The following MTSS2 variants were observed in gnomAD, a reference collection of about 807,000 sequenced individuals.
MTSS2 encodes protein MTSS 2.
A neutral mutation model predicts 67.1 loss-of-function variants in MTSS2; 27 were observed. That is an observed-to-expected ratio of 0.40 (90% CI 0.30 to 0.55). The LOEUF (loss-of-function observed/expected upper bound fraction) is 0.55, where lower values mean the gene tolerates loss of function less well. MTSS2 is among the 20% of genes least tolerant of loss of function. The pLI is 0.43. For missense variants in MTSS2, 1,171 were observed against 1,067.8 expected, an observed-to-expected ratio of 1.10 and a Z score of -1.35; for synonymous variants, 624 against 468.6, an observed-to-expected ratio of 1.33 and a Z score of -4.28.
In MTSS2 at chr16:70,661,565, T is replaced by G. The variant is rs2052471792; in HGVS notation, c.*2112A>C. The G allele has an allele frequency of 5.7e-6, 2 of 351,532 alleles. No homozygotes were observed. Among genetic ancestry groups the G allele is most frequent in the East Asian group, 7.7e-5 (1 of 13,042 alleles). The allele number at this position is 351,532 out of a possible 1,614,324, so 21.8% of individuals were successfully genotyped here. A position where few individuals can be genotyped will look rare whatever the true frequency, so the allele number is the denominator to read the frequency against. On this transcript the variant is annotated 3_prime_UTR_variant, in exon 15 of 15. Transcript: ENST00000338779. The stretch of plus-strand genomic sequence containing the variant: ...ACGTAAAGTCCCCCAAACCAAAGTT[T>G]GTGATGTGGGATGGTTGGCTCGGAT...
rs950749191 is a variant in MTSS2, at chr16:70,661,516, C to A, written c.*2161G>T. 1.2e-4 allele frequency: 41 copies of A among 346,762 alleles called. 1 individual carries two copies. The highest frequency in any genetic ancestry group is 8.7e-4 in the South Asian group (40 of 46,058). 21.5% of individuals were successfully genotyped at this position (346,762 alleles called of 1,614,324 possible). On this transcript the variant is annotated 3_prime_UTR_variant, in exon 15 of 15. Transcript: ENST00000338779. ...GACGCTTTTGAAAAGAATATTTCTC[C>A]GTACAAAATGAGAAATTAAACGAAC... is the stretch of plus-strand genomic sequence containing the variant.
At position 70,662,272 on chromosome 16, in the gene MTSS2, A is replaced by G. The variant is rs1218971520; in HGVS notation, c.*1405T>C. The stretch of plus-strand genomic sequence containing the variant: ...TGCCCTGGGGCCACGATGCCCTCTG[A>G]GCCCTGCTTTCCCTCCTGACCTGCG... On this transcript the variant is annotated 3_prime_UTR_variant, in exon 15 of 15. Coordinates refer to ENST00000338779, the MANE Select transcript of MTSS2 (RefSeq NM_138383.3). The G allele has an allele frequency of 6.6e-6, 1 of 152,286 alleles. No individual in the cohort carries two copies. Among genetic ancestry groups the G allele is most frequent in the Non-Finnish European group, 1.5e-5 (1 of 68,196 alleles). 9.4% of individuals were successfully genotyped at this position (152,286 alleles called of 1,614,324 possible).
intron 11 of MTSS2, among the ~76,000 whole-genome samples, chr16:70,666,559 C>A (rs1263280268): frequency 6.6e-6 from 1 of 152,202 alleles, no homozygotes; most frequent in Non-Finnish European, 1.5e-5. Flanking sequence ...TAAGCCAGGG[C>A]AGCCCCCTTC....
rs185305754 is a variant in MTSS2 at position 70,680,885 on chromosome 16, G to A, written c.132-18C>T. 1,266 of 1,534,776 alleles carry A rather than the reference G, an allele frequency of 8.2e-4. 11 individuals are homozygous for A. In the African/African-American group the frequency reaches 0.014, roughly 18 times the overall value. ...CGGTGGTCCTGGGGAGAGGGACAAC[G>A]GCATGGATGGTCGGTGGTTGGGCGG... On this transcript the variant is annotated intron_variant, in intron 2 of 14. Coordinates refer to ENST00000338779, the MANE Select transcript of MTSS2 (RefSeq NM_138383.3).
chr16:70,663,524 G>C lies in MTSS2; in HGVS notation c.*153C>G. The C allele has an allele frequency of 7.4e-7, 1 of 1,347,166 alleles. No individual in the cohort carries two copies. Among genetic ancestry groups the C allele is most frequent in the Non-Finnish European group, 9.8e-7 (1 of 1,025,334 alleles). The allele number at this position is 1,347,166 out of a possible 1,614,324, so 83.5% of individuals were successfully genotyped here. ...GAAGTCACTTCCTGTTTAAATGCTG[G>C]AATCCAAGTGAGGTGTCTTTCCATA... is the stretch of plus-strand genomic sequence containing the variant. On this transcript the variant is annotated 3_prime_UTR_variant, in exon 15 of 15. Transcript: ENST00000338779.
intron 11 of MTSS2, among the ~76,000 whole-genome samples, chr16:70,666,696 A>T (rs77970240): frequency 6.6e-6 from 1 of 152,226 alleles, no homozygotes; most frequent in African/African-American, 2.4e-5. Flanking sequence ...TAACAAATGC[A>T]GACTTTTGGC....
chr16:70,670,231 A>G (rs940758446), intron 11 of MTSS2, among the ~76,000 whole-genome samples: 4 of 152,194 alleles, frequency 2.6e-5, no homozygotes, highest in Admixed American at 2.6e-4. Flanking sequence ...AAATTGCACC[A>G]CTGCACTCCA....
chr16:70,664,515 G>C lies in MTSS2; in HGVS notation c.1472-66C>G, dbSNP rs117276543. On this transcript the variant is annotated intron_variant, in intron 14 of 14. Transcript: ENST00000338779. ...CCCCTTGCCCCCAGCCCACCAGGGTGAGCACAGAGGGGGAAGGACGGGGCC... is the reference window on the plus strand; with the variant it reads ...CCCCTTGCCCCCAGCCCACCAGGGTCAGCACAGAGGGGGAAGGACGGGGCC... The C allele has an allele frequency of 2.2e-5, 34 of 1,565,084 alleles. No individual in the cohort carries two copies. The East Asian group carries it at 6.8e-4, about 31-fold the overall frequency.
At chr16:70,670,551 AT>A (rs1487332565) in intron 11 of MTSS2, among the ~76,000 whole-genome samples, 1 of 152,238 alleles carries the variant, frequency 6.6e-6, no homozygotes, top group African/African-American at 2.4e-5. Flanking sequence ...ATAGAATGCC[AT>A]ATAGCAATGA....
chr16:70,682,839 C>A (rs7194558), intron 1 of MTSS2, among the ~76,000 whole-genome samples: 83,496 of 151,856 alleles, frequency 0.55, 23,020 homozygotes, highest in African/African-American at 0.58. Context: ...AAACCTTCCC[C>A]ACAGCCCCAT....
intron 10 of MTSS2, 102 bp downstream of exon 10, chr16:70,676,779 T>C: frequency 1.0e-6 from 1 of 985,264 alleles, no homozygotes; most frequent in Non-Finnish European, 1.6e-6. Flanking sequence ...GTTGTGAATT[T>C]TGAGGCCCTG....
At chr16:70,683,752 T>C (rs2053372110) in intron 1 of MTSS2, among the ~76,000 whole-genome samples, 1 of 152,094 alleles carries the variant, frequency 6.6e-6, no homozygotes, top group Non-Finnish European at 1.5e-5. Flanking sequence ...CTCAGTCTCC[T>C]CAACCTGGCT....
chr16:70,663,023 G>GCCC lies in MTSS2; in HGVS notation c.*653_*654insGGG, dbSNP rs1412631806. 8.8e-6 allele frequency: 1 copy of GCCC among 114,174 alleles called. No homozygotes were observed. 7.1% of individuals were successfully genotyped at this position (114,174 alleles called of 1,614,324 possible). ...GTGGGAGCCACCACAGGGCCCCCAA[G>GCCC]ACCCCCCCCCCCAAGCAGCCCCTGG... On this transcript the variant is annotated 3_prime_UTR_variant, in exon 15 of 15. Coordinates refer to ENST00000338779, the MANE Select transcript of MTSS2 (RefSeq NM_138383.3).
At chr16:70,670,321 C>T (rs1009514631) in intron 11 of MTSS2, among the ~76,000 whole-genome samples, 1 of 152,150 alleles carries the variant, frequency 6.6e-6, no homozygotes, top group Non-Finnish European at 1.5e-5. Context: ...ATCTTGCTAA[C>T]AGGAGGGTAA....
At chr16:70,667,946 G>T (rs975228707) in intron 11 of MTSS2, among the ~76,000 whole-genome samples, 3 of 149,396 alleles carry the variant, frequency 2.0e-5, no homozygotes, top group Non-Finnish European at 3.0e-5. Context: ...CAAACAGAGG[G>T]ATATCTGCAA....
Position 70,679,664 on chromosome 16 carries a change from C to T in MTSS2, c.423G>A (p.Ser141=), listed in dbSNP as rs961257981. The change falls in exon 6 of 15, where the codon TCG becomes TCA. Residue 141 remains serine (S), a synonymous_variant. Coordinates refer to ENST00000338779, the MANE Select transcript of MTSS2 (RefSeq NM_138383.3). The stretch of plus-strand genomic sequence containing the variant: ...CCTTCTTCTGCAGCTTCAGCGTGTC[C>T]GACGACTTCTTTTTGATCTCATGCC... ...RARHEIKKKS[S]DTLKLQKKAR... is the part of the protein sequence containing the mutation. 3.1e-6 allele frequency: 5 copies of T among 1,610,324 alleles called. No homozygotes were observed. Among genetic ancestry groups the T allele is most frequent in the African/African-American group, 1.3e-5 (1 of 74,996 alleles).
chr16:70,679,817 C>T lies in MTSS2; in HGVS notation c.351G>A (p.Ala117=), dbSNP rs879334981. The T allele has an allele frequency of 3.1e-6, 5 of 1,609,366 alleles. No homozygotes were observed. Among genetic ancestry groups the T allele is most frequent in the Non-Finnish European group, 4.2e-6 (5 of 1,179,688 alleles). The part of the protein sequence containing the change: ...LQERIEDWKK[A]ANQLDKDHAK... ...CGTGGTCCTTGTCCAGCTGGTTGGC[C>T]GCCTTCTTCCAGTCCTCGATGCGCT... Residue 117 remains alanine, a synonymous_variant, in exon 5 of 15, where the codon GCG becomes GCA. Transcript: ENST00000338779.
In MTSS2 at chr16:70,663,351, CT is replaced by C. The variant is rs2052563505; in HGVS notation, c.*325del. On this transcript the variant is annotated 3_prime_UTR_variant, in exon 15 of 15. Coordinates refer to ENST00000338779, the MANE Select transcript of MTSS2 (RefSeq NM_138383.3). ...GGTGAAAGGGAGGCCAGCCTGGCCC[CT>C]CTGTCATGGGCAGCGGCCCTGGCTC... 4 of 345,248 alleles carry C rather than the reference CT, an allele frequency of 1.2e-5. No individual in the cohort carries two copies. Among genetic ancestry groups the C allele is most frequent in the Non-Finnish European group, 2.1e-5 (4 of 191,088 alleles). 21.4% of individuals were successfully genotyped at this position (345,248 alleles called of 1,614,324 possible). A position where few individuals can be genotyped will look rare whatever the true frequency, so the allele number is the denominator to read the frequency against.
At position 70,664,565 on chromosome 16, in the gene MTSS2, G is replaced by C. The variant is rs767382250; in HGVS notation, c.1471+33C>G. The C allele has an allele frequency of 6.2e-6, 10 of 1,605,168 alleles. No individual in the cohort carries two copies. In the East Asian group the frequency reaches 1.8e-4, roughly 29 times the overall value. On this transcript the variant is annotated intron_variant, in intron 14 of 14. Transcript: ENST00000338779. ...CCTCCTGGATGGCTAAGTCCCAGCT[G>C]TCCCTGGTCCCACCCCAGCCCCGCG...
Sources: gnomAD v4.1 joint callset for allele counts (sites outside exome capture counted in the v4.1 genomes callset) on GRCh38, gnomAD v4.1.1 for gene constraint, MANE v1.5 for transcripts, NCBI Gene and HGNC (gene_info 2026-07-23, HGNC 2026-07-21) for gene names.